The following PIGB variants were observed in gnomAD, a reference collection of about 807,000 sequenced individuals.
The protein encoded by PIGB is GPI alpha-1,2-mannosyltransferase 3.
PIGB carries 58 observed loss-of-function variants against 68.4 expected under a neutral mutation model. That is an observed-to-expected ratio of 0.85 (90% CI 0.69 to 1.06). The LOEUF (loss-of-function observed/expected upper bound fraction) is 1.06, where lower values mean the gene tolerates loss of function less well. Among genes scored for constraint, PIGB ranks in the 50% least tolerant of loss-of-function variants. PIGB has a pLI of 0.00. For synonymous variants in PIGB, 219 were observed against 220.5 expected (o/e 0.99, Z 0.06); for missense variants, 634 against 655.8 (o/e 0.97, Z 0.36).
rs758196959 is a variant in PIGB at position 55,333,908 on chromosome 15, G to A, written c.695G>A (p.Arg232His). ...SSLVALAFII[R>H]PTAVILWTPL... ...CTGGTGGCACTTGCCTTCATAATTCGTCCCACAGCTGTCATTCTGTGGACA... is the reference window on the plus strand; with the variant it reads ...CTGGTGGCACTTGCCTTCATAATTCATCCCACAGCTGTCATTCTGTGGACA... The change falls in exon 6 of 12, where the codon CGT becomes CAT. Residue 232 changes from arginine to histidine, a missense_variant. Coordinates refer to ENST00000164305, the MANE Select transcript of PIGB (RefSeq NM_004855.5). 2.6e-5 allele frequency: 41 copies of A among 1,606,562 alleles called. No homozygotes were observed. Among genetic ancestry groups the A allele is most frequent in the Middle Eastern group, 1.7e-4 (1 of 6,060 alleles).
rs753034934 is a variant in PIGB, at chr15:55,355,297, T to C, written c.1530T>C (p.Ala510=). The change falls in exon 12 of 12, where the codon GCT becomes GCC. Residue 510 remains alanine, a synonymous_variant. Coordinates refer to ENST00000164305, the MANE Select transcript of PIGB (RefSeq NM_004855.5). The part of the protein sequence containing the change: ...TFSILEEEIS[A]FLISSNYKRT... ...TTATTTGCTTCTAGGAAATAAGCGC[T>C]TTCCTAATTTCAAGCAATTATAAAA... 1.6e-5 allele frequency: 26 copies of C among 1,607,900 alleles called. No homozygotes were observed. In the East Asian group the frequency reaches 5.8e-4, roughly 36 times the overall value.
chr15:55,351,343 G>A (rs1303243939), intron 10 of PIGB, among the ~76,000 whole-genome samples: 2 of 151,720 alleles, frequency 1.3e-5, no homozygotes, highest in Non-Finnish European at 2.9e-5. Flanking sequence ...TCCTGACCTC[G>A]TGATCTGCCT....
chr15:55,334,064 G>T, intron 6 of PIGB, 57 bp downstream of exon 6: 1 of 1,293,424 alleles, frequency 7.7e-7, no homozygotes, highest in South Asian at 1.6e-5. Flanking sequence ...CACAGATTAC[G>T]AACAAGATTT....
At position 55,354,987 on chromosome 15, in the gene PIGB, A is replaced by T; in HGVS notation, c.1518+9A>T. 1 of 1,599,852 alleles carries T rather than the reference A, an allele frequency of 6.3e-7. No homozygotes were observed. Among genetic ancestry groups the T allele is most frequent in the Non-Finnish European group, 8.5e-7 (1 of 1,173,182 alleles). ...TCAGCATTTTGGAAGAGGTAAGTAA[A>T]CATGAAAAAGAGGAAAACTCAGTAT... is the stretch of plus-strand genomic sequence containing the variant. On this transcript the variant is annotated intron_variant, in intron 11 of 11. Transcript: ENST00000164305.
At chr15:55,355,110 C>G (rs1439421217) in intron 11 of PIGB, 132 bp downstream of exon 11, 7 of 932,696 alleles carry the variant, frequency 7.5e-6, no homozygotes, top group East Asian at 2.6e-5. Flanking sequence ...AGTCTTTTCT[C>G]CAGTCAAAAT....
intron 6 of PIGB, among the ~76,000 whole-genome samples, chr15:55,337,494 C>G (rs1044181684): frequency 5.3e-5 from 8 of 152,174 alleles, no homozygotes; most frequent in African/African-American, 1.7e-4. Context: ...TGCAAGGGAT[C>G]TAGGTTGTGC....
chr15:55,343,996 C>T (rs1039425482), intron 9 of PIGB, among the ~76,000 whole-genome samples: 1 of 152,068 alleles, frequency 6.6e-6, no homozygotes, highest in Non-Finnish European at 1.5e-5. Flanking sequence ...TTTTAGTGAC[C>T]CAGTTTGAAT....
At chr15:55,351,715 A>C (rs1035344743) in intron 10 of PIGB, 1 of 151,362 alleles carries the variant, frequency 6.6e-6, no homozygotes, top group Non-Finnish European at 1.5e-5. Flanking sequence ...TACTAAAAAT[A>C]CAAAGAATTA....
At chr15:55,325,243 T>G (rs1238747788) in intron 3 of PIGB, among the ~76,000 whole-genome samples, 2 of 151,940 alleles carry the variant, frequency 1.3e-5, no homozygotes, top group Admixed American at 6.6e-5. Context: ...GGAGAATCGC[T>G]TGAACTTGGG....
rs577451466 is a variant in PIGB, at chr15:55,340,643, T to G, written c.878T>G (p.Phe293Cys). 9 of 1,612,394 alleles carry G rather than the reference T, an allele frequency of 5.6e-6. No homozygotes were observed. The Admixed American group carries it at 1.3e-4, about 24-fold the overall frequency. ...WTLVQFNFLK[F>C]NVLQNWGTFY... ...CTGGTTCAATTTAATTTTTTGAAAT[T>G]TAACGTGCTGCAGAACTGGGGAACA... Residue 293 changes from phenylalanine (F) to cysteine (C), a missense_variant, in exon 8 of 12, where the codon TTT becomes TGT. By Grantham distance (205) the Phe-to-Cys change is radical (BLOSUM62 -2). Transcript: ENST00000164305.
intron 5 of PIGB, among the ~76,000 whole-genome samples, chr15:55,333,448 A>C (rs2055464980): frequency 6.6e-6 from 1 of 152,026 alleles, no homozygotes; most frequent in South Asian, 2.1e-4. Flanking sequence ...AATACAAAAA[A>C]TTAGCCTGGC....
In PIGB at chr15:55,354,895, A is replaced by G; in HGVS notation, c.1435A>G (p.Asn479Asp). The part of the protein sequence containing the change: ...YLDEADVFYL[N>D]PLNWLHREFH... ...TGATGAAGCAGATGTATTTTACCTA[A>G]ATCCCTTAAACTGGTTACATAGAGA... Residue 479 changes from asparagine (N) to aspartate (D), a missense_variant, in exon 11 of 12, where the codon AAT (asparagine) becomes GAT (aspartate). Physicochemically the swap from Asn to Asp is conservative, Grantham distance 23. Transcript: ENST00000164305. The G allele has an allele frequency of 6.2e-7, 1 of 1,613,532 alleles. No homozygotes were observed. Among genetic ancestry groups the G allele is most frequent in the East Asian group, 2.2e-5 (1 of 44,862 alleles).
chr15:55,339,418 A>G (rs2055612503), intron 7 of PIGB, 100 bp downstream of exon 7: 1 of 739,996 alleles, frequency 1.4e-6, no homozygotes, highest in Non-Finnish European at 2.2e-6. Flanking sequence ...GGGATACATT[A>G]CAAAAGACTT....
At chr15:55,340,949 G>A in intron 8 of PIGB, 126 bp downstream of exon 8, 1 of 615,268 alleles carries the variant, frequency 1.6e-6, no homozygotes, top group Non-Finnish European at 2.8e-6. Flanking sequence ...AATTATCTTA[G>A]AAGATACAAG....
intron 3 of PIGB, among the ~76,000 whole-genome samples, chr15:55,324,181 C>G (rs1238977105): frequency 6.6e-6 from 1 of 152,112 alleles, no homozygotes; most frequent in Non-Finnish European, 1.5e-5. Context: ...ACAGTAGGGT[C>G]TTTGAATAGT....
chr15:55,329,988 A>G (rs892430011), intron 5 of PIGB, 134 bp downstream of exon 5: 18 of 587,182 alleles, frequency 3.1e-5, no homozygotes, highest in African/African-American at 3.7e-5. Context: ...CAGTTGATAT[A>G]TTATAGCAGA....
At position 55,323,873 on chromosome 15, in the gene PIGB, C is replaced by T. The variant is rs147199291; in HGVS notation, c.417+2483C>T. 8.6e-3 allele frequency among the ~76,000 whole-genome samples: 1,306 copies of T among 152,168 alleles called. 13 individuals are homozygous for T. Among genetic ancestry groups the T allele is most frequent in the Middle Eastern group, 0.02 (6 of 294 alleles). On this transcript the variant is annotated intron_variant, in intron 3 of 11. Coordinates refer to ENST00000164305, the MANE Select transcript of PIGB (RefSeq NM_004855.5). ...GAGGAGGGGAAACCTGAATGGGGAA[C>T]CACAGTAAGGTTTGTTGGGTTTTGT...
At chr15:55,353,320 G>C (rs184574039) in intron 10 of PIGB, among the ~76,000 whole-genome samples, 1 of 152,144 alleles carries the variant, frequency 6.6e-6, no homozygotes, top group Non-Finnish European at 1.5e-5. Context: ...AGAGTAGGCC[G>C]GCAGCTTTTT....
chr15:55,342,472 C>T (rs561517644), intron 9 of PIGB, among the ~76,000 whole-genome samples: 2 of 152,282 alleles, frequency 1.3e-5, no homozygotes, highest in South Asian at 2.1e-4. Context: ...CTCACTGCAA[C>T]CTCCACCTCC....
Sources: allele counts gnomAD v4.1 joint callset (sites outside exome capture counted in the v4.1 genomes callset), GRCh38; gene constraint gnomAD v4.1.1; transcripts MANE v1.5; gene names NCBI Gene and HGNC (gene_info 2026-07-23, HGNC 2026-07-21).